TDRD3: variants seen among roughly 807,000 people sequenced by gnomAD.
TDRD3 encodes tudor domain containing 3.
In TDRD3, 45 loss-of-function variants were observed where a neutral mutation model predicts 86.7. The ratio of observed to expected loss-of-function variants is 0.52; its 90% confidence interval spans 0.41 to 0.67. The LOEUF (loss-of-function observed/expected upper bound fraction) is 0.67. Ranked by LOEUF, TDRD3 falls within the 30% of genes least tolerant of loss-of-function variation. TDRD3 has a pLI of 0.00. For missense variants in TDRD3, 814 were observed against 889.0 expected, an observed-to-expected ratio of 0.92 and a Z score of 1.07; for synonymous variants, 298 against 301.7, an observed-to-expected ratio of 0.99 and a Z score of 0.13.
Position 60,528,915 on chromosome 13 carries a change from A to G in TDRD3, c.1690A>G (p.Ile564Val). 4.3e-6 allele frequency: 7 copies of G among 1,612,798 alleles called. No homozygotes were observed. Among genetic ancestry groups the G allele is most frequent in the Non-Finnish European group, 5.9e-6 (7 of 1,179,616 alleles). Residue 564 changes from isoleucine (I) to valine (V), a missense_variant, in exon 11 of 14, where the codon ATT becomes GTT. By Grantham distance (29) the Ile-to-Val change is conservative (BLOSUM62 3). Coordinates refer to ENST00000377881, the MANE Select transcript of TDRD3 (RefSeq NM_001146070.2). ...INNEAFSGIK[I>V]EKHFNVNTDY... Reference sequence around the variant, plus strand: ...TAATGAAGCTTTCAGTGGTATAAAAATTGAAAAACATTTTAATGTAAATAC... The same window carrying G: ...TAATGAAGCTTTCAGTGGTATAAAAGTTGAAAAACATTTTAATGTAAATAC...
Position 60,501,798 on chromosome 13 carries a change from C to G in TDRD3, c.858+7223C>G, listed in dbSNP as rs1956838896. Reference sequence around the variant, plus strand: ...CAAGATCCTTTCTTATATAAAATCTCTTTCCTTTATAACCTTATTTGCATA... The same window carrying G: ...CAAGATCCTTTCTTATATAAAATCTGTTTCCTTTATAACCTTATTTGCATA... On this transcript the variant is annotated intron_variant, in intron 8 of 13. Transcript: ENST00000377881. 2.0e-5 allele frequency among the ~76,000 whole-genome samples: 3 copies of G among 152,192 alleles called. No homozygotes were observed. The South Asian group carries it at 6.2e-4, about 31-fold the overall frequency.
chr13:60,406,688 G>A (rs1954242430), intron 1 of TDRD3, among the ~76,000 whole-genome samples: 1 of 152,100 alleles, frequency 6.6e-6, no homozygotes. Context: ...AACAGAAAAT[G>A]GACATATCTT....
At position 60,514,881 on chromosome 13, in the gene TDRD3, G is replaced by A. The variant is rs1957134594; in HGVS notation, c.1141+4126G>A. On this transcript the variant is annotated intron_variant, in intron 10 of 13. Coordinates refer to ENST00000377881, the MANE Select transcript of TDRD3 (RefSeq NM_001146070.2). ...GGAAAATAGGGTAAGATGGGATTGAGATTGAAAACAGACAATAGTTGTATG... is the reference window on the plus strand; with the variant it reads ...GGAAAATAGGGTAAGATGGGATTGAAATTGAAAACAGACAATAGTTGTATG... 2.0e-5 allele frequency among the ~76,000 whole-genome samples: 3 copies of A among 152,182 alleles called. No homozygotes were observed. In the South Asian group the frequency reaches 6.2e-4, roughly 32 times the overall value.
chr13:60,467,366 G>A lies in TDRD3; in HGVS notation c.482G>A (p.Trp161Ter). Reference sequence around the variant, plus strand: ...GAAGTGGAACACCTTATTGAGAAATGGGAGTTACAGAGAGTAAGTGTAAAC... The same window carrying A: ...GAAGTGGAACACCTTATTGAGAAATAGGAGTTACAGAGAGTAAGTGTAAAC... The part of the protein sequence containing the change: ...GGEVEHLIEK[W>*]ELQRSLSKHN... The change falls in exon 5 of 14, where the codon TGG becomes TAG. Residue 161 changes from tryptophan to a stop codon, truncating the protein, a stop_gained. Transcript: ENST00000377881. LOFTEE classifies it high-confidence loss of function. 1 of 1,613,574 alleles carries A rather than the reference G, an allele frequency of 6.2e-7. No homozygotes were observed. The highest frequency in any genetic ancestry group is 8.5e-7 in the Non-Finnish European group (1 of 1,179,764).
chr13:60,525,382 C>G (rs1484090981), intron 10 of TDRD3, among the ~76,000 whole-genome samples: 2 of 151,654 alleles, frequency 1.3e-5, no homozygotes, highest in Middle Eastern at 3.4e-3. Flanking sequence ...CCATGTTGGC[C>G]AGGCTGGTCT....
chr13:60,498,866 CA>C (rs1475534079), intron 8 of TDRD3, among the ~76,000 whole-genome samples: 3 of 152,104 alleles, frequency 2.0e-5, no homozygotes, highest in African/African-American at 7.2e-5. Flanking sequence ...TGTGGTCCTC[CA>C]GTTAAAGTAG....
intron 5 of TDRD3, among the ~76,000 whole-genome samples, chr13:60,482,833 GGTT>G (rs1566230630): frequency 1.3e-5 from 2 of 150,482 alleles, no homozygotes; most frequent in African/African-American, 4.9e-5. Flanking sequence ...TGCACATGGT[GGTT>G]GTTTTTTTTT....
chr13:60,562,108 C>G (rs1004610025), intron 12 of TDRD3, among the ~76,000 whole-genome samples: 1 of 151,670 alleles, frequency 6.6e-6, no homozygotes, highest in African/African-American at 2.4e-5. Context: ...ATCAGGAGTT[C>G]GAGACCAGCC....
chr13:60,462,331 A>G (rs1006002683), intron 4 of TDRD3, among the ~76,000 whole-genome samples: 9 of 152,152 alleles, frequency 5.9e-5, no homozygotes, highest in East Asian at 1.9e-4. Flanking sequence ...TCACTGCCCA[A>G]TCTGCCCAGT....
chr13:60,540,054 T>C (rs1957776228), intron 12 of TDRD3, among the ~76,000 whole-genome samples: 1 of 152,170 alleles, frequency 6.6e-6, no homozygotes, highest in South Asian at 2.1e-4. Flanking sequence ...AGCACCTATG[T>C]GACCCTAGTC....
intron 6 of TDRD3, 135 bp from the exon 7 acceptor site, chr13:60,485,664 G>C: frequency 1.5e-6 from 1 of 650,698 alleles, no homozygotes; most frequent in Non-Finnish European, 2.2e-6. Context: ...AAATATATGG[G>C]ATAGAATTTT....
rs768028055 is a variant in TDRD3, at chr13:60,528,933, G to T, written c.1708G>T (p.Val570Leu). The T allele has an allele frequency of 1.9e-6, 3 of 1,613,676 alleles. No homozygotes were observed. Among genetic ancestry groups the T allele is most frequent in the Non-Finnish European group, 1.7e-6 (2 of 1,179,860 alleles). The change falls in exon 11 of 14, where the codon GTA (valine) becomes TTA (leucine). Residue 570 changes from valine (V) to leucine (L), a missense_variant. Physicochemically the swap from Val to Leu is conservative, Grantham distance 32. Coordinates refer to ENST00000377881, the MANE Select transcript of TDRD3 (RefSeq NM_001146070.2). ...TATAAAAATTGAAAAACATTTTAAT[G>T]TAAATACTGATTATCAGAATCCAGT... ...SGIKIEKHFN[V>L]NTDYQNPVRS...
chr13:60,568,255 A>C (rs1369909777), intron 13 of TDRD3, among the ~76,000 whole-genome samples: 1 of 152,070 alleles, frequency 6.6e-6, no homozygotes, highest in African/African-American at 2.4e-5. Flanking sequence ...ATGCTAATTG[A>C]CTTCTGAATT....
chr13:60,412,630 A>T (rs2137833394), intron 1 of TDRD3, among the ~76,000 whole-genome samples: 1 of 152,050 alleles, frequency 6.6e-6, no homozygotes, highest in Non-Finnish European at 1.5e-5. Flanking sequence ...ACTTTCTTAT[A>T]CTTTTAGTTA....
intron 7 of TDRD3, among the ~76,000 whole-genome samples, chr13:60,491,086 C>T (rs1037445091): frequency 5.4e-5 from 8 of 149,314 alleles, no homozygotes; most frequent in African/African-American, 2.0e-4. Flanking sequence ...TGCACTCCAG[C>T]CTGGGCAACA....
At chr13:60,534,768 A>G (rs1480595608) in intron 11 of TDRD3, among the ~76,000 whole-genome samples, 1 of 151,786 alleles carries the variant, frequency 6.6e-6, no homozygotes, top group African/African-American at 2.4e-5. Context: ...TCTATAAAAA[A>G]TACCAAAAAA....
chr13:60,494,368 CTTAGTTT>C (rs1242173545), intron 7 of TDRD3, 60 bp from the exon 8 acceptor site: 1 of 1,418,450 alleles, frequency 7.0e-7, no homozygotes. Flanking sequence ...TTAGTCATAG[CTTAGTTT>C]TTAGAACTAT....
intron 6 of TDRD3, 62 bp downstream of exon 6, chr13:60,483,908 C>G (rs375687598): frequency 1.8e-5 from 27 of 1,502,346 alleles, no homozygotes; most frequent in African/African-American, 1.8e-4. Context: ...CATTAGCATT[C>G]AAGCTGTGTT....
chr13:60,457,555 T>C (rs1206107429), intron 3 of TDRD3, among the ~76,000 whole-genome samples: 1 of 152,224 alleles, frequency 6.6e-6, no homozygotes, highest in Non-Finnish European at 1.5e-5. Flanking sequence ...CTGAGGCCAA[T>C]ATACAGTATT....
Sources: allele counts gnomAD v4.1 joint callset (sites outside exome capture counted in the v4.1 genomes callset), GRCh38; gene constraint gnomAD v4.1.1; transcripts MANE v1.5; gene names NCBI Gene and HGNC (gene_info 2026-07-23, HGNC 2026-07-21).